Variants in SGMS1 observed in about 807,000 individuals in gnomAD.
SGMS1 encodes phosphatidylcholine:ceramide cholinephosphotransferase 1.
Under a neutral mutation model 46.2 loss-of-function variants are expected in SGMS1, and 13 were observed. The ratio of observed to expected loss-of-function variants is 0.28; its 90% CI spans 0.18 to 0.45. SGMS1 has a LOEUF of 0.45. SGMS1 is among the 20% of genes least tolerant of loss of function. The pLI is 1.00. For missense variants in SGMS1, 324 were observed against 519.9 expected, an observed-to-expected ratio of 0.62 and a Z score of 3.66; for synonymous variants, 203 against 187.8, an observed-to-expected ratio of 1.08 and a Z score of -0.66.
chr10:50,555,673 C>G (rs1564431076), intron 2 of SGMS1, among the ~76,000 whole-genome samples: 1 of 152,190 alleles, frequency 6.6e-6, no homozygotes, highest in Non-Finnish European at 1.5e-5. Flanking sequence ...TTCAGAAACT[C>G]CAGTTTAGCT....
chr10:50,361,418 C>G (rs917463769), intron 6 of SGMS1, among the ~76,000 whole-genome samples: 1 of 152,122 alleles, frequency 6.6e-6, no homozygotes, highest in Admixed American at 6.6e-5. Context: ...TTCACATACC[C>G]GTCAGAACCC....
chr10:50,498,393 A>G (rs1837634238), intron 3 of SGMS1, among the ~76,000 whole-genome samples: 1 of 152,150 alleles, frequency 6.6e-6, no homozygotes, highest in Non-Finnish European at 1.5e-5. Context: ...GTACATTCAC[A>G]TTGTTGTGTA....
At chr10:50,508,587 A>C (rs773455373) in intron 3 of SGMS1, among the ~76,000 whole-genome samples, 4 of 152,036 alleles carry the variant, frequency 2.6e-5, no homozygotes, top group Non-Finnish European at 5.9e-5. Flanking sequence ...CCGCAGGGAG[A>C]CCTCTTTAAG....
intron 3 of SGMS1, chr10:50,472,732 T>A (rs916308318): frequency 6.6e-6 from 1 of 152,148 alleles, no homozygotes. Flanking sequence ...CTATTTTCGG[T>A]TTTCTGACAA....
chr10:50,375,243 G>T (rs945952894), intron 6 of SGMS1, among the ~76,000 whole-genome samples: 1 of 152,208 alleles, frequency 6.6e-6, no homozygotes, highest in Non-Finnish European at 1.5e-5. Flanking sequence ...ACAAGGTAGA[G>T]ATTTCTGGGC....
rs112738690 is a variant in SGMS1, at chr10:50,612,782, C to T, written c.-684+10925G>A. Among the ~76,000 whole-genome samples, 511 of 152,282 alleles carry T rather than the reference C, an allele frequency of 3.4e-3. 1 individual carries two copies. The highest frequency in any genetic ancestry group is 8.5e-3 in the African/African-American group (352 of 41,566). Reference sequence around the variant, plus strand: ...GGAGTGCAGTGGCGTGATCGCGGCTCACTGCAGCCTCTGCTTCGTGGATTC... The same window carrying T: ...GGAGTGCAGTGGCGTGATCGCGGCTTACTGCAGCCTCTGCTTCGTGGATTC... On this transcript the variant is annotated intron_variant, in intron 1 of 10. Transcript: ENST00000361781.
chr10:50,462,056 T>C (rs992153688), intron 4 of SGMS1, among the ~76,000 whole-genome samples: 1 of 152,002 alleles, frequency 6.6e-6, no homozygotes, highest in Non-Finnish European at 1.5e-5. Flanking sequence ...ATGCCTATAA[T>C]TGCAGCACTA....
chr10:50,591,310 G>A (rs1022651690), intron 1 of SGMS1, among the ~76,000 whole-genome samples: 2 of 151,974 alleles, frequency 1.3e-5, no homozygotes, highest in African/African-American at 2.4e-5. Flanking sequence ...CCCAAGCCCT[G>A]GGCTTGTCTC....
chr10:50,531,185 C>G (rs1467230833), intron 2 of SGMS1, among the ~76,000 whole-genome samples: 2 of 152,324 alleles, frequency 1.3e-5, no homozygotes, highest in South Asian at 2.1e-4. Flanking sequence ...GTGCCACCAC[C>G]TGATTGATCT....
intron 2 of SGMS1, among the ~76,000 whole-genome samples, chr10:50,521,855 T>C (rs1440873162): frequency 6.6e-6 from 1 of 152,184 alleles, no homozygotes; most frequent in African/African-American, 2.4e-5. Context: ...TATGCTAATT[T>C]TGATCACCCA....
At chr10:50,423,297 C>G (rs912427507) in intron 6 of SGMS1, among the ~76,000 whole-genome samples, 6 of 78,780 alleles carry the variant, frequency 7.6e-5, no homozygotes, top group Non-Finnish European at 1.5e-4. Context: ...CCTTTTCCCA[C>G]TTAATTTAGC....
chr10:50,321,255 T>A (rs1187031467), intron 8 of SGMS1, among the ~76,000 whole-genome samples: 1 of 152,146 alleles, frequency 6.6e-6, no homozygotes, highest in Non-Finnish European at 1.5e-5. Flanking sequence ...ACCATCAGAA[T>A]CATGTAAAAA....
intron 6 of SGMS1, among the ~76,000 whole-genome samples, chr10:50,355,495 C>T (rs1312347641): frequency 6.6e-6 from 1 of 152,220 alleles, no homozygotes; most frequent in East Asian, 1.9e-4. Flanking sequence ...GGCTGGTCTC[C>T]AGCTCCTGAC....
intron 2 of SGMS1, among the ~76,000 whole-genome samples, chr10:50,551,012 T>C (rs1588874447): frequency 6.6e-6 from 1 of 152,236 alleles, no homozygotes; most frequent in Non-Finnish European, 1.5e-5. Flanking sequence ...AAGTAATTTA[T>C]GTAGACATTC....
chr10:50,376,330 G>C lies in SGMS1; in HGVS notation c.-231-31985C>G, dbSNP rs118132957. ...TACTCTTGCTGGTTTCACCTTAACA[G>C]ACATCTTCTTACAATTAGGAACCAG... On this transcript the variant is annotated intron_variant, in intron 6 of 10. Transcript: ENST00000361781. 2.0e-3 allele frequency among the ~76,000 whole-genome samples: 298 copies of C among 152,208 alleles called. 1 individual carries two copies. The highest frequency in any genetic ancestry group is 2.8e-3 in the Non-Finnish European group (187 of 67,970).
chr10:50,580,968 T>A (rs767295060), intron 2 of SGMS1, among the ~76,000 whole-genome samples: 1 of 152,224 alleles, frequency 6.6e-6, no homozygotes, highest in South Asian at 2.1e-4. Flanking sequence ...GGAAGACTTG[T>A]TAAAACACTG....
intron 1 of SGMS1, among the ~76,000 whole-genome samples, chr10:50,602,828 A>G (rs368287238): frequency 2.0e-5 from 3 of 152,270 alleles, no homozygotes; most frequent in South Asian, 2.1e-4. Context: ...TAAAGCCTCT[A>G]CTCTCTGTGG....
At chr10:50,585,788 T>C (rs1371948017) in intron 2 of SGMS1, among the ~76,000 whole-genome samples, 1 of 152,242 alleles carries the variant, frequency 6.6e-6, no homozygotes, top group East Asian at 1.9e-4. Context: ...CCAAGAACCA[T>C]ATCTGATTTT....
rs370423220 is a variant in SGMS1, at chr10:50,312,916, T to G, written c.742-1501A>C. Among the ~76,000 whole-genome samples, 380 of 152,228 alleles carry G rather than the reference T, an allele frequency of 2.5e-3. 1 individual carries two copies. Among genetic ancestry groups the G allele is most frequent in the African/African-American group, 8.2e-3 (339 of 41,558 alleles). ...ACAGCCAGAATGCTCTGGAGGGATGTCATCATGGAGATGAGCCCAACAGAA... is the reference window on the plus strand; with the variant it reads ...ACAGCCAGAATGCTCTGGAGGGATGGCATCATGGAGATGAGCCCAACAGAA... On this transcript the variant is annotated intron_variant, in intron 8 of 10. Coordinates refer to ENST00000361781, the MANE Select transcript of SGMS1 (RefSeq NM_147156.4).
Sources: gnomAD v4.1 joint callset for allele counts (sites outside exome capture counted in the v4.1 genomes callset) on GRCh38, gnomAD v4.1.1 for gene constraint, MANE v1.5 for transcripts, NCBI Gene and HGNC (gene_info 2026-07-23, HGNC 2026-07-21) for gene names.